Variants in SGMS1 observed in about 807,000 individuals in gnomAD.
SGMS1 encodes the protein sphingomyelin synthase 1.
In SGMS1, 13 loss-of-function variants were observed where a neutral mutation model predicts 46.2. That is an observed-to-expected ratio of 0.28 (90% CI 0.18 to 0.45). SGMS1 has a LOEUF of 0.45. Ranked by LOEUF, SGMS1 falls within the 20% of genes least tolerant of loss-of-function variation. The pLI, the probability that SGMS1 is intolerant of heterozygous loss-of-function variation, is 1.00. For missense variants in SGMS1, 324 were observed against 519.9 expected (o/e 0.62, Z 3.66); for synonymous variants, 203 against 187.8 (o/e 1.08, Z -0.66).
intron 1 of SGMS1, among the ~76,000 whole-genome samples, chr10:50,609,461 T>C (rs1462658758): frequency 6.6e-6 from 1 of 150,858 alleles, no homozygotes; most frequent in Non-Finnish European, 1.5e-5. Flanking sequence ...CATCACTGTG[T>C]CACCAGTACT....
intron 6 of SGMS1, among the ~76,000 whole-genome samples, chr10:50,376,900 T>C (rs1219413091): frequency 2.0e-5 from 3 of 152,294 alleles, no homozygotes; most frequent in East Asian, 3.9e-4. Flanking sequence ...TTTTTTAAGA[T>C]GGGCAGCTCT....
intron 6 of SGMS1, among the ~76,000 whole-genome samples, chr10:50,429,692 CAT>C (rs1313906329): frequency 6.1e-4 from 50 of 82,322 alleles, no homozygotes; most frequent in South Asian, 1.5e-3. Context: ...TTTTTCTACA[CAT>C]ACACACACAC....
At chr10:50,622,883 A>T (rs1183419484) in intron 1 of SGMS1, among the ~76,000 whole-genome samples, 10 of 152,180 alleles carry the variant, frequency 6.6e-5, no homozygotes, top group Admixed American at 6.5e-4. Context: ...ACGGTGGGAG[A>T]GGCAGCCGCT....
intron 6 of SGMS1, among the ~76,000 whole-genome samples, chr10:50,422,229 G>A (rs559572877): frequency 6.6e-6 from 1 of 152,240 alleles, no homozygotes. Context: ...CCGAGCATCT[G>A]TATCCCCCAG....
Position 50,618,001 on chromosome 10 carries a change from G to A in SGMS1, c.-684+5706C>T, listed in dbSNP as rs140929938. Among the ~76,000 whole-genome samples the A allele has an allele frequency of 4.4e-4, 67 of 151,330 alleles. No individual in the cohort carries two copies. In the East Asian group the frequency reaches 5.4e-3, roughly 12 times the overall value. On this transcript the variant is annotated intron_variant, in intron 1 of 10. Transcript: ENST00000361781. ...CCAAAGTGCTGGCATTACAGGCATT[G>A]AGCCACCACGCTCAGCCTTAATAAC... is the stretch of plus-strand genomic sequence containing the variant.
intron 1 of SGMS1, among the ~76,000 whole-genome samples, chr10:50,599,263 G>A (rs912262590): frequency 9.9e-5 from 15 of 152,196 alleles, no homozygotes; most frequent in African/African-American, 3.6e-4. Context: ...AAACTTGCAT[G>A]TTGTCTGCAT....
intron 2 of SGMS1, among the ~76,000 whole-genome samples, chr10:50,547,376 C>T (rs1838110306): frequency 1.3e-5 from 2 of 152,124 alleles, no homozygotes; most frequent in South Asian, 2.1e-4. Flanking sequence ...ACTGACCCCA[C>T]AAAAATACAA....
At chr10:50,474,177 C>A (rs910016202) in intron 3 of SGMS1, 2 of 152,186 alleles carry the variant, frequency 1.3e-5, no homozygotes, top group African/African-American at 4.8e-5. Context: ...AAAGACAGAG[C>A]TTATGATAGC....
intron 6 of SGMS1, among the ~76,000 whole-genome samples, chr10:50,362,967 T>C (rs1173752070): frequency 1.3e-5 from 2 of 152,044 alleles, no homozygotes; most frequent in Admixed American, 1.3e-4. Flanking sequence ...AGTATATAAA[T>C]ATAAAGACAA....
chr10:50,449,223 C>T (rs1487600405), intron 5 of SGMS1, among the ~76,000 whole-genome samples: 2 of 152,126 alleles, frequency 1.3e-5, no homozygotes, highest in Admixed American at 6.6e-5. Context: ...AAAACTAATC[C>T]ATCTACCTAC....
intron 5 of SGMS1, among the ~76,000 whole-genome samples, chr10:50,440,985 T>C (rs1056228659): frequency 2.0e-5 from 3 of 152,250 alleles, no homozygotes; most frequent in African/African-American, 7.2e-5. Flanking sequence ...ATGTTAACAT[T>C]ACTATCCTAG....
intron 2 of SGMS1, among the ~76,000 whole-genome samples, chr10:50,575,380 C>G (rs1313889136): frequency 6.6e-6 from 1 of 151,868 alleles, no homozygotes; most frequent in Non-Finnish European, 1.5e-5. Flanking sequence ...CTAGCAAGAC[C>G]CCATCTCTAT....
At chr10:50,551,221 T>C (rs1344489862) in intron 2 of SGMS1, among the ~76,000 whole-genome samples, 1 of 151,940 alleles carries the variant, frequency 6.6e-6, no homozygotes, top group Non-Finnish European at 1.5e-5. Context: ...CTATGTACTC[T>C]AGATATAATA....
At chr10:50,464,821 G>A (rs1308899946) in intron 4 of SGMS1, among the ~76,000 whole-genome samples, 1 of 152,172 alleles carries the variant, frequency 6.6e-6, no homozygotes, top group Non-Finnish European at 1.5e-5. Context: ...AAGAAGGGGA[G>A]GAGGGAGGGA....
At chr10:50,585,022 T>A (rs1838470956) in intron 2 of SGMS1, among the ~76,000 whole-genome samples, 2 of 152,174 alleles carry the variant, frequency 1.3e-5, no homozygotes, top group Admixed American at 1.3e-4. Flanking sequence ...CATATGAAAA[T>A]GCTACACAGG....
chr10:50,482,693 A>G (rs1837487501), intron 3 of SGMS1, among the ~76,000 whole-genome samples: 1 of 152,242 alleles, frequency 6.6e-6, no homozygotes, highest in African/African-American at 2.4e-5. Flanking sequence ...GACAGGATCA[A>G]ATTCACACAT....
intron 3 of SGMS1, chr10:50,474,385 A>G (rs1423878979): frequency 1.3e-5 from 2 of 152,152 alleles, no homozygotes; most frequent in Non-Finnish European, 2.9e-5. Context: ...TTCTTCACCT[A>G]TAAGGTGAGG....
chr10:50,621,753 C>T (rs1838851979), intron 1 of SGMS1, among the ~76,000 whole-genome samples: 1 of 152,158 alleles, frequency 6.6e-6, no homozygotes, highest in Non-Finnish European at 1.5e-5. Flanking sequence ...TATTATTTTA[C>T]TAAAAACATA....
At chr10:50,355,229 G>A (rs1410853943) in intron 6 of SGMS1, among the ~76,000 whole-genome samples, 7 of 152,194 alleles carry the variant, frequency 4.6e-5, no homozygotes, top group Non-Finnish European at 7.3e-5. Flanking sequence ...TTAAGAAAAC[G>A]TGGCACATAT....
Sources: gnomAD v4.1 joint callset for allele counts (sites outside exome capture counted in the v4.1 genomes callset) on GRCh38, gnomAD v4.1.1 for gene constraint, MANE v1.5 for transcripts, NCBI Gene and HGNC (gene_info 2026-07-23, HGNC 2026-07-21) for gene names.